KRT20: variants seen among roughly 807,000 people sequenced by gnomAD.
KRT20 encodes the protein keratin 20.
Under a neutral mutation model 43.0 loss-of-function variants are expected in KRT20, and 41 were observed. The observed-to-expected ratio is 0.95, with a 90% confidence interval of 0.74 to 1.24. The LOEUF (loss-of-function observed/expected upper bound fraction) is 1.24. Among genes scored for constraint, KRT20 ranks in the 50% most tolerant of loss-of-function variants. The probability of loss-of-function intolerance (pLI) is 0.00; values close to 1 mark genes in which losing one functional copy is unlikely to be tolerated. For missense variants in KRT20, 533 were observed against 521.2 expected (o/e 1.02, Z -0.22); for synonymous variants, 207 against 200.6 (o/e 1.03, Z -0.27).
At position 40,880,229 on chromosome 17, in the gene KRT20, G is replaced by A. The variant is rs766753074; in HGVS notation, c.663C>T (p.Asn221=). Reference sequence around the variant, plus strand: ...CAGCATCAACCTCCACATTGACAGTGTTGCCCAGATGCTTGTGTAGGCCAT... The same window carrying A: ...CAGCATCAACCTCCACATTGACAGTATTGCCCAGATGCTTGTGTAGGCCAT... ...EVDGLHKHLG[N]TVNVEVDAAP... is the part of the protein sequence containing the mutation. Residue 221 remains asparagine, a synonymous_variant, in exon 4 of 8, where the codon AAC becomes AAT. Coordinates refer to ENST00000167588, the MANE Select transcript of KRT20 (RefSeq NM_019010.3). 11 of 1,612,088 alleles carry A rather than the reference G, an allele frequency of 6.8e-6. No individual in the cohort carries two copies. In the South Asian group the frequency reaches 8.8e-5, roughly 13 times the overall value.
chr17:40,881,185 C>A (rs577628170), intron 2 of KRT20, among the ~76,000 whole-genome samples: 2 of 152,002 alleles, frequency 1.3e-5, no homozygotes, highest in African/African-American at 4.8e-5. Context: ...AGTGAATTAT[C>A]TCAAACAGCT....
chr17:40,879,878 G>A lies in KRT20; in HGVS notation c.853C>T (p.Gln285Ter), dbSNP rs1470196299. Residue 285 changes from glutamine to a stop codon, truncating the protein, a stop_gained, in exon 5 of 8, where the codon CAA becomes TAA. Coordinates refer to ENST00000167588, the MANE Select transcript of KRT20 (RefSeq NM_019010.3). LOFTEE classifies it high-confidence loss of function. Reference sequence around the variant, plus strand: ...GAGGTGCGTCTCAGCTCCGTTAGTTGAACCTCAGTTCCTTTTAATTCTTCA... The same window carrying A: ...GAGGTGCGTCTCAGCTCCGTTAGTTAAACCTCAGTTCCTTTTAATTCTTCA... ...NTEELKGTEVQLTELRRTSQS... is the reference protein window; with the variant it reads ...NTEELKGTEV 5 of 1,613,364 alleles carry A rather than the reference G, an allele frequency of 3.1e-6. No individual in the cohort carries two copies. Among genetic ancestry groups the A allele is most frequent in the Admixed American group, 1.7e-5 (1 of 59,844 alleles).
At position 40,884,799 on chromosome 17, in the gene KRT20, A is replaced by T; in HGVS notation, c.387T>A (p.Ser129Arg). Residue 129 changes from serine to arginine, a missense_variant, in exon 1 of 8, where the codon AGT becomes AGA. Ser to Arg is a moderately radical substitution (Grantham distance 110, BLOSUM62 -1). Transcript: ENST00000167588. Reference sequence around the variant, plus strand: ...AAACACAAGCATCATCTCTCACCTGACTTCGCAGCTCTTCAATTTGTCTGT... The same window carrying T: ...AAACACAAGCATCATCTCTCACCTGTCTTCGCAGCTCTTCAATTTGTCTGT... The part of the protein sequence containing the change: ...AYYRQIEELR[S>R]QIKDAQLQNA... 1 of 1,611,096 alleles carries T rather than the reference A, an allele frequency of 6.2e-7. No individual in the cohort carries two copies. Among genetic ancestry groups the T allele is most frequent in the Non-Finnish European group, 8.5e-7 (1 of 1,177,868 alleles).
chr17:40,884,673 A>T (rs1358569011), intron 1 of KRT20, 123 bp downstream of exon 1: 7 of 1,093,512 alleles, frequency 6.4e-6, no homozygotes, highest in Non-Finnish European at 9.1e-6. Context: ...AAGAATTTTT[A>T]TAGATGTAAC....
chr17:40,884,771 A>G, intron 1 of KRT20, 25 bp downstream of exon 1: 1 of 1,596,790 alleles, frequency 6.3e-7, no homozygotes, highest in Non-Finnish European at 8.5e-7. Context: ...AACACAGAGT[A>G]GGAAACACAA....
chr17:40,883,337 A>T (rs942002348), intron 1 of KRT20, among the ~76,000 whole-genome samples: 1 of 152,166 alleles, frequency 6.6e-6, no homozygotes, highest in Middle Eastern at 3.4e-3. Flanking sequence ...TTCCTCCCTC[A>T]TGTCTCAGGT....
At position 40,876,378 on chromosome 17, in the gene KRT20, C is replaced by T; in HGVS notation, c.1258G>A (p.Val420Met). The T allele has an allele frequency of 1.2e-6, 2 of 1,610,418 alleles. No individual in the cohort carries two copies. Among genetic ancestry groups the T allele is most frequent in the Non-Finnish European group, 1.7e-6 (2 of 1,176,752 alleles). ...GKVVSSEVKE[V>M]EENI is the part of the protein sequence containing the mutation. Reference sequence around the variant, plus strand: ...GTAGCTATTTAGATATTTTCTTCCACCTCTTTGACTTCAGATGACACGACC... The same window carrying T: ...GTAGCTATTTAGATATTTTCTTCCATCTCTTTGACTTCAGATGACACGACC... Residue 420 changes from valine (V) to methionine (M), a missense_variant, in exon 8 of 8, where the codon GTG becomes ATG. Transcript: ENST00000167588.
At chr17:40,882,465 T>C in intron 2 of KRT20, 107 bp downstream of exon 2, 1 of 451,760 alleles carries the variant, frequency 2.2e-6, no homozygotes. Context: ...ATTCTGGACA[T>C]TGAACCGTGC....
rs139113050 is a variant in KRT20, at chr17:40,885,090, T to C, written c.96A>G (p.Thr32=). The C allele has an allele frequency of 2.5e-4, 398 of 1,614,078 alleles. 1 individual carries two copies. The African/African-American group carries it at 4.3e-3, about 17-fold the overall frequency. The change falls in exon 1 of 8, where the codon ACA becomes ACG. Residue 32 remains threonine, a synonymous_variant. Coordinates refer to ENST00000167588, the MANE Select transcript of KRT20 (RefSeq NM_019010.3). ...STVGMQRLGT[T]PSVYGGAGGR... is the part of the protein sequence containing the mutation. Reference sequence around the variant, plus strand: ...CTCCAGCACCCCCATAAACGCTGGGTGTCGTCCCGAGGCGCTGCATGCCCA... The same window carrying C: ...CTCCAGCACCCCCATAAACGCTGGGCGTCGTCCCGAGGCGCTGCATGCCCA...
chr17:40,883,799 CG>C (rs1351052938), intron 1 of KRT20, among the ~76,000 whole-genome samples: 1 of 152,140 alleles, frequency 6.6e-6, no homozygotes, highest in Non-Finnish European at 1.5e-5. Context: ...TGAGAGCTTG[CG>C]AAGGATGAAC....
rs1907737482 is a variant in KRT20, at chr17:40,884,862, G to T, written c.324C>A (p.Thr108=). Residue 108 remains threonine (T), a synonymous_variant, in exon 1 of 8, where the codon ACC becomes ACA. Coordinates refer to ENST00000167588, the MANE Select transcript of KRT20 (RefSeq NM_019010.3). ...AGTCGCGACCAGCCCTCGGGGCGTT[G>T]GTTTCGTACCACTGCTTGATTTGCA... ...LEVQIKQWYE[T]NAPRAGRDYS... is the part of the protein sequence containing the mutation. The T allele has an allele frequency of 6.2e-7, 1 of 1,614,150 alleles. No individual in the cohort carries two copies. The highest frequency in any genetic ancestry group is 8.5e-7 in the Non-Finnish European group (1 of 1,180,036).
chr17:40,882,818 T>C (rs376224289), intron 1 of KRT20, among the ~76,000 whole-genome samples, 164 bp from the exon 2 acceptor site: 1 of 152,096 alleles, frequency 6.6e-6, no homozygotes, highest in South Asian at 2.1e-4. Context: ...CAAGCAATTA[T>C]CCTGCCTCAG....
chr17:40,883,058 C>T (rs767037526), intron 1 of KRT20, among the ~76,000 whole-genome samples: 5 of 152,078 alleles, frequency 3.3e-5, no homozygotes, highest in Non-Finnish European at 4.4e-5. Flanking sequence ...TTTAGTTTAT[C>T]CCCAGCTACA....
chr17:40,882,734 G>C (rs997508715), intron 1 of KRT20, 80 bp from the exon 2 acceptor site: 1 of 441,652 alleles, frequency 2.3e-6, no homozygotes, highest in Non-Finnish European at 3.1e-6. Flanking sequence ...TATTGAGACA[G>C]AATCTTGCTC....
At chr17:40,878,403 G>A (rs913148685) in intron 5 of KRT20, 38 bp from the exon 6 acceptor site, 3 of 1,461,996 alleles carry the variant, frequency 2.1e-6, no homozygotes, top group Non-Finnish European at 9.6e-7. Context: ...TCTTATGTGA[G>A]GACTTGATTC....
rs368938192 is a variant in KRT20, at chr17:40,878,358, G to T, written c.926C>A (p.Ser309Tyr). The change falls in exon 6 of 8, where the codon TCT becomes TAT. Residue 309 changes from serine to tyrosine, a missense_variant. Physicochemically the swap from Ser to Tyr is moderately radical, Grantham distance 144 (BLOSUM62 -2). Coordinates refer to ENST00000167588, the MANE Select transcript of KRT20 (RefSeq NM_019010.3). ...GGTCTCCTCTAGAGTGTGCTCCAAA[G>T]ACTCTTTCTATGAGCACAAGAAAAA... is the stretch of plus-strand genomic sequence containing the variant. ...ELQSHLSMKE[S>Y]LEHTLEETKA... 5.0e-6 allele frequency: 8 copies of T among 1,612,976 alleles called. No individual in the cohort carries two copies. In the African/African-American group the frequency reaches 1.1e-4, roughly 22 times the overall value.
intron 1 of KRT20, among the ~76,000 whole-genome samples, chr17:40,884,553 G>A (rs7210968): frequency 0.02 from 2,997 of 152,110 alleles, 102 homozygotes; most frequent in African/African-American, 0.068. Context: ...ATTTTATTCC[G>A]GAGGATAAAA....
intron 1 of KRT20, among the ~76,000 whole-genome samples, chr17:40,883,805 A>G (rs552710541): frequency 6.6e-6 from 1 of 152,328 alleles, no homozygotes; most frequent in Admixed American, 6.5e-5. Context: ...CTTGCGAAGG[A>G]TGAACTTTAT....
At position 40,884,958 on chromosome 17, in the gene KRT20, G is replaced by A. The variant is rs1394527511; in HGVS notation, c.228C>T (p.Asn76=). The A allele has an allele frequency of 6.2e-7, 1 of 1,614,194 alleles. No homozygotes were observed. Among genetic ancestry groups the A allele is most frequent in the South Asian group, 1.1e-5 (1 of 91,084 alleles). The change falls in exon 1 of 8, where the codon AAC becomes AAT. Residue 76 remains asparagine, a synonymous_variant. Transcript: ENST00000167588. ...FVGNEKMAMQ[N]LNDRLASYLE... ...GGTAGCTCGCTAGACGGTCATTTAG[G>A]TTCTGCATGGCCATTTTCTCATTGC...
Sources: allele counts gnomAD v4.1 joint callset (sites outside exome capture counted in the v4.1 genomes callset), GRCh38; gene constraint gnomAD v4.1.1; transcripts MANE v1.5; gene names NCBI Gene and HGNC (gene_info 2026-07-23, HGNC 2026-07-21).